LRMDA: variants seen among roughly 807,000 people sequenced by gnomAD.
LRMDA encodes the protein leucine rich melanocyte differentiation associated, also known as leucine-rich melanocyte differentiation-associated protein.
In LRMDA, 18 loss-of-function variants were observed where a neutral mutation model predicts 29.8. That is an observed-to-expected ratio of 0.60 (90% CI 0.42 to 0.90). The LOEUF (loss-of-function observed/expected upper bound fraction) is 0.90, where lower values mean the gene tolerates loss of function less well. Ranked by LOEUF, LRMDA falls within the 40% of genes least tolerant of loss-of-function variation. The probability of loss-of-function intolerance (pLI) is 0.00; values close to 1 mark genes in which losing one functional copy is unlikely to be tolerated. For missense variants in LRMDA, 273 were observed against 273.9 expected, an observed-to-expected ratio of 1.00 and a Z score of 0.02; for synonymous variants, 125 against 109.4, an observed-to-expected ratio of 1.14 and a Z score of -0.89.
At chr10:76,350,505 G>A (rs988221825) in intron 6 of LRMDA, among the ~76,000 whole-genome samples, 1 of 151,692 alleles carries the variant, frequency 6.6e-6, no homozygotes, top group Non-Finnish European at 1.5e-5. Context: ...ATGACAGAGG[G>A]TCAGCTGGCT....
At chr10:76,088,364 G>T (rs1328847820) in intron 5 of LRMDA, among the ~76,000 whole-genome samples, 1 of 152,152 alleles carries the variant, frequency 6.6e-6, no homozygotes, top group Non-Finnish European at 1.5e-5. Context: ...TCCCAGCAAA[G>T]CTTCATTCTT....
At position 76,372,001 on chromosome 10, in the gene LRMDA, C is replaced by T. The variant is rs909743759; in HGVS notation, c.601+47516C>T. Among the ~76,000 whole-genome samples, 5 of 152,308 alleles carry T rather than the reference C, an allele frequency of 3.3e-5. No homozygotes were observed. The South Asian group carries it at 1.0e-3, about 32-fold the overall frequency. The stretch of plus-strand genomic sequence containing the variant: ...CTAGCTCAGGGTGCTTTGTCTTGTA[C>T]TTGGCACTTACCTCCTCCCTGGAAA... On this transcript the variant is annotated intron_variant, in intron 6 of 6. Coordinates refer to ENST00000611255, the MANE Select transcript of LRMDA (RefSeq NM_001305581.2).
At chr10:76,363,268 A>G (rs1250475189) in intron 6 of LRMDA, among the ~76,000 whole-genome samples, 1 of 20,752 alleles carries the variant, frequency 4.8e-5, no homozygotes, top group Non-Finnish European at 1.6e-4. Flanking sequence ...GGAAGGAAGG[A>G]AGGAAGGAAA....
intron 2 of LRMDA, among the ~76,000 whole-genome samples, chr10:75,471,870 G>C (rs1280789777): frequency 6.6e-6 from 1 of 152,124 alleles, no homozygotes; most frequent in Admixed American, 6.6e-5. Flanking sequence ...CATGTTTGGG[G>C]AATGTGTCTC....
chr10:76,541,603 A>C (rs2132385257), intron 6 of LRMDA, among the ~76,000 whole-genome samples: 1 of 152,270 alleles, frequency 6.6e-6, no homozygotes, highest in Non-Finnish European at 1.5e-5. Flanking sequence ...AGGGGTAAGA[A>C]GATGTTCACA....
chr10:76,278,488 C>T (rs1167324048), intron 5 of LRMDA, among the ~76,000 whole-genome samples: 2 of 152,156 alleles, frequency 1.3e-5, no homozygotes, highest in African/African-American at 2.4e-5. Flanking sequence ...GGGAGGCAGG[C>T]GTTCCTCGCT....
chr10:76,320,603 CT>C (rs1308902965), intron 5 of LRMDA, among the ~76,000 whole-genome samples: 4 of 152,052 alleles, frequency 2.6e-5, no homozygotes, highest in African/African-American at 9.7e-5. Context: ...GAAATAGGGC[CT>C]TTTGGTGTTT....
intron 6 of LRMDA, among the ~76,000 whole-genome samples, chr10:76,345,901 A>G (rs1841103091): frequency 6.6e-6 from 1 of 152,054 alleles, no homozygotes; most frequent in Non-Finnish European, 1.5e-5. Flanking sequence ...AATATGGTAA[A>G]TTTGTAATAT....
chr10:75,757,041 A>T (rs1289207344), intron 2 of LRMDA, among the ~76,000 whole-genome samples: 1 of 152,212 alleles, frequency 6.6e-6, no homozygotes, highest in East Asian at 1.9e-4. Context: ...TTTCAATAGG[A>T]ATTTACATTT....
At chr10:75,758,950 ATT>A (rs57108453) in intron 2 of LRMDA, among the ~76,000 whole-genome samples, 6 of 142,052 alleles carry the variant, frequency 4.2e-5, no homozygotes, top group African/African-American at 1.3e-4. Flanking sequence ...CTTTGCCAGT[ATT>A]TTTTTTTTTT....
chr10:75,818,236 T>C (rs1564576319), intron 2 of LRMDA, among the ~76,000 whole-genome samples: 1 of 152,154 alleles, frequency 6.6e-6, no homozygotes, highest in Non-Finnish European at 1.5e-5. Flanking sequence ...TGAGGGGGTT[T>C]GTGGGGTAAG....
intron 2 of LRMDA, chr10:75,647,713 C>T (rs1025741376): frequency 2.0e-5 from 3 of 152,088 alleles, no homozygotes; most frequent in Admixed American, 2.0e-4. Context: ...AAATAAAGGA[C>T]TTATAAAGGC....
chr10:76,504,052 A>T (rs1375395637), intron 6 of LRMDA, among the ~76,000 whole-genome samples: 1 of 151,316 alleles, frequency 6.6e-6, no homozygotes, highest in African/African-American at 2.4e-5. Context: ...ATTTCAAAGA[A>T]TTTTTTTTAT....
At chr10:75,778,495 A>G (rs1843341307) in intron 2 of LRMDA, among the ~76,000 whole-genome samples, 1 of 152,140 alleles carries the variant, frequency 6.6e-6, no homozygotes, top group African/African-American at 2.4e-5. Context: ...TGGAGGCCAG[A>G]TCCTGTCTTA....
intron 6 of LRMDA, among the ~76,000 whole-genome samples, chr10:76,540,804 G>A (rs1843345435): frequency 6.6e-6 from 1 of 152,158 alleles, no homozygotes; most frequent in African/African-American, 2.4e-5. Flanking sequence ...GTTTATTCGA[G>A]TCTGCACTTG....
chr10:75,839,796 C>G (rs1020640047), intron 2 of LRMDA, among the ~76,000 whole-genome samples: 1 of 146,398 alleles, frequency 6.8e-6, no homozygotes, highest in Non-Finnish European at 1.5e-5. Context: ...GCAAGCTCTT[C>G]CTCCCAGGTT....
chr10:76,514,292 A>G lies in LRMDA; in HGVS notation c.602-42917A>G, dbSNP rs77743220. On this transcript the variant is annotated intron_variant, in intron 6 of 6. Coordinates refer to ENST00000611255, the MANE Select transcript of LRMDA (RefSeq NM_001305581.2). The stretch of plus-strand genomic sequence containing the variant: ...TGCCAGAAGCAGAGCCTGTTAGCCC[A>G]CCAAAAGCAAAGGACAAAAGCTCCC... Among the ~76,000 whole-genome samples, 165 of 152,250 alleles carry G rather than the reference A, an allele frequency of 1.1e-3. 4 individuals are homozygous for G. In the East Asian group the frequency reaches 0.028, roughly 26 times the overall value.
At chr10:76,174,525 T>G (rs1224371361) in intron 5 of LRMDA, among the ~76,000 whole-genome samples, 1 of 152,192 alleles carries the variant, frequency 6.6e-6, no homozygotes, top group African/African-American at 2.4e-5. Flanking sequence ...GAAAACATTA[T>G]TCTTCTCCAT....
At chr10:76,299,352 TC>T (rs936593756) in intron 5 of LRMDA, among the ~76,000 whole-genome samples, 5 of 152,150 alleles carry the variant, frequency 3.3e-5, no homozygotes, top group African/African-American at 1.2e-4. Context: ...AAATGTTCAT[TC>T]CTTTAGATGT....
Sources: gnomAD v4.1 joint callset for allele counts (sites outside exome capture counted in the v4.1 genomes callset) on GRCh38, gnomAD v4.1.1 for gene constraint, MANE v1.5 for transcripts, NCBI Gene and HGNC (gene_info 2026-07-23, HGNC 2026-07-21) for gene names.